The following ASCC2 variants were observed in gnomAD, a reference collection of about 807,000 sequenced individuals.
ASCC2 encodes ASC-1 complex subunit P100.
Under a neutral mutation model 93.5 loss-of-function variants are expected in ASCC2, and 42 were observed. That is an observed-to-expected ratio of 0.45 (90% CI 0.35 to 0.58). The LOEUF (loss-of-function observed/expected upper bound fraction) is 0.58. Ranked by LOEUF, ASCC2 falls within the 20% of genes least tolerant of loss-of-function variation. The pLI is 0.00. For synonymous variants in ASCC2, 364 were observed against 384.2 expected (o/e 0.95, Z 0.62); for missense variants, 859 against 977.6 (o/e 0.88, Z 1.62).
intron 15 of ASCC2, among the ~76,000 whole-genome samples, chr22:29,800,466 G>GT (rs2058956178): frequency 1.3e-5 from 2 of 152,202 alleles, no homozygotes; most frequent in Admixed American, 6.5e-5. Flanking sequence ...CTAGAATGCT[G>GT]TAAGTATTAG....
chr22:29,813,405 T>TC, intron 8 of ASCC2, 25 bp downstream of exon 8: 1 of 1,482,886 alleles, frequency 6.7e-7, no homozygotes, highest in South Asian at 1.1e-5. Flanking sequence ...TATCTCTATT[T>TC]CAACAGCCAG....
chr22:29,803,252 C>CA (rs34793933), intron 13 of ASCC2, among the ~76,000 whole-genome samples: 95,449 of 145,310 alleles, frequency 0.66, 31,215 homozygotes, highest in East Asian at 0.83. Flanking sequence ...ACTCCATCTC[C>CA]AAAAAAAAAA....
chr22:29,809,673 G>A (rs1350092876), intron 8 of ASCC2, among the ~76,000 whole-genome samples: 4 of 152,032 alleles, frequency 2.6e-5, no homozygotes, highest in African/African-American at 9.7e-5. Context: ...CAGCTACTCG[G>A]GAGGCTGAGG....
At chr22:29,805,013 G>T (rs559570549) in intron 12 of ASCC2, among the ~76,000 whole-genome samples, 183 bp from the exon 13 acceptor site, 3 of 152,278 alleles carry the variant, frequency 2.0e-5, no homozygotes, top group East Asian at 3.9e-4. Context: ...AGCCACTCTG[G>T]CCTCACAACC....
In ASCC2 at chr22:29,799,781, G is replaced by A. The variant is rs5997528; in HGVS notation, c.1688+1210C>T. Among the ~76,000 whole-genome samples, 160 of 152,150 alleles carry A rather than the reference G, an allele frequency of 1.1e-3. 2 individuals carry two copies. The highest frequency in any genetic ancestry group is 3.8e-3 in the African/African-American group (157 of 41,500). On this transcript the variant is annotated intron_variant, in intron 15 of 19. Coordinates refer to ENST00000307790, the MANE Select transcript of ASCC2 (RefSeq NM_032204.5). The stretch of plus-strand genomic sequence containing the variant: ...TGATGGGTCATCATTCCAACGCTGG[G>A]TGAACTCTCTTATTTTTTTTTCTTG...
chr22:29,792,810 G>T (rs17710852), intron 17 of ASCC2, among the ~76,000 whole-genome samples: 3 of 152,076 alleles, frequency 2.0e-5, no homozygotes, highest in Non-Finnish European at 4.4e-5. Flanking sequence ...CTGTATTGGG[G>T]AATCGCTGTA....
At chr22:29,793,223 A>G in intron 17 of ASCC2, 137 bp downstream of exon 17, 1 of 1,224,334 alleles carries the variant, frequency 8.2e-7, no homozygotes, top group South Asian at 1.4e-5. Context: ...GCTGGGGTGG[A>G]GGAGCACTGG....
At chr22:29,823,424 A>G (rs2061849112) in intron 4 of ASCC2, among the ~76,000 whole-genome samples, 1 of 152,262 alleles carries the variant, frequency 6.6e-6, no homozygotes, top group South Asian at 2.1e-4. Context: ...ATAAATTAGT[A>G]TGATATCTAG....
chr22:29,830,275 GCTTAGAGAGGTTCAATAA>G (rs2062964012), intron 2 of ASCC2, among the ~76,000 whole-genome samples: 1 of 152,172 alleles, frequency 6.6e-6, no homozygotes, highest in African/African-American at 2.4e-5. Flanking sequence ...TGGATTTGAG[GCTTAGAGAGGTTCAATAA>G]CTTGCCCAAA....
chr22:29,792,301 G>A, intron 18 of ASCC2, 132 bp downstream of exon 18: 1 of 1,477,814 alleles, frequency 6.8e-7, no homozygotes, highest in Non-Finnish European at 9.0e-7. Flanking sequence ...TGGGCTCAAA[G>A]GGACTCCTCC....
chr22:29,806,410 C>G, intron 11 of ASCC2, 75 bp downstream of exon 11: 1 of 1,573,900 alleles, frequency 6.4e-7, no homozygotes, highest in Non-Finnish European at 8.7e-7. Flanking sequence ...GGGCCTATAG[C>G]GGGGGTCTAT....
chr22:29,816,472 CT>C (rs1309389922), intron 5 of ASCC2, among the ~76,000 whole-genome samples: 2 of 152,170 alleles, frequency 1.3e-5, no homozygotes, highest in African/African-American at 4.8e-5. Flanking sequence ...CAGATAGGAT[CT>C]CTTTGCTCAA....
intron 2 of ASCC2, chr22:29,827,549 G>A (rs1471429161): frequency 6.4e-6 from 3 of 470,792 alleles, no homozygotes; most frequent in South Asian, 4.6e-5. Flanking sequence ...TGGGTCTGCA[G>A]GACCCCCTCC....
chr22:29,795,130 T>C (rs910274068), intron 15 of ASCC2, among the ~76,000 whole-genome samples: 1 of 152,052 alleles, frequency 6.6e-6, no homozygotes, highest in Non-Finnish European at 1.5e-5. Flanking sequence ...ATCTGCCATG[T>C]TGGTCAGGCT....
chr22:29,830,208 G>T (rs1302182933), intron 2 of ASCC2, among the ~76,000 whole-genome samples: 1 of 152,102 alleles, frequency 6.6e-6, no homozygotes. Flanking sequence ...TCATTCACAG[G>T]CATCTCATTT....
intron 17 of ASCC2, 139 bp downstream of exon 17, chr22:29,793,221 G>C: frequency 8.3e-7 from 1 of 1,200,356 alleles, no homozygotes; most frequent in Non-Finnish European, 1.2e-6. Flanking sequence ...GGGCTGGGGT[G>C]GAGGAGCACT....
rs1307779238 is a variant in ASCC2, at chr22:29,806,917, G to GA, written c.909-14dup. On this transcript the variant is annotated splice_polypyrimidine_tract_variant and intron_variant, in intron 9 of 19. Coordinates refer to ENST00000307790, the MANE Select transcript of ASCC2 (RefSeq NM_032204.5). ...GTCACCAAGAAGCCTAGGCCAGAGA[G>GA]AAAAAAGACACAGGTTTAGGAGACA... 7 of 1,600,152 alleles carry GA rather than the reference G, an allele frequency of 4.4e-6. No homozygotes were observed. Among genetic ancestry groups the GA allele is most frequent in the East Asian group, 2.2e-5 (1 of 44,824 alleles).
At chr22:29,807,023 G>C (rs2059750327) in intron 9 of ASCC2, 119 bp from the exon 10 acceptor site, 15 of 708,634 alleles carry the variant, frequency 2.1e-5, no homozygotes, top group Non-Finnish European at 3.2e-5. Flanking sequence ...AGGATCACTT[G>C]AGCCCCAGGA....
intron 13 of ASCC2, among the ~76,000 whole-genome samples, chr22:29,803,966 C>T (rs369254226): frequency 6.6e-6 from 1 of 152,316 alleles, no homozygotes; most frequent in African/African-American, 2.4e-5. Flanking sequence ...ACATCTGTCC[C>T]CACCTTATAG....
Sources: allele counts gnomAD v4.1 joint callset (sites outside exome capture counted in the v4.1 genomes callset), GRCh38; gene constraint gnomAD v4.1.1; transcripts MANE v1.5; gene names NCBI Gene and HGNC (gene_info 2026-07-23, HGNC 2026-07-21).